Variants in PDE10A observed in about 807,000 individuals in gnomAD.
PDE10A encodes cAMP and cAMP-inhibited cGMP 3',5'-cyclic phosphodiesterase 10A.
PDE10A carries 39 observed loss-of-function variants against 97.7 expected under a neutral mutation model. The observed-to-expected ratio is 0.40, with a 90% CI of 0.31 to 0.52. The LOEUF (loss-of-function observed/expected upper bound fraction) is 0.52. Ranked by LOEUF, PDE10A falls within the 20% of genes least tolerant of loss-of-function variation. PDE10A has a pLI of 0.56. For missense variants in PDE10A, 731 were observed against 1,047.8 expected (o/e 0.70, Z 4.17); for synonymous variants, 371 against 376.8 (o/e 0.98, Z 0.18).
chr6:165,943,361 A>AAAGAAAGAAAGAAAGAAGAAAGAAAGG (rs1167502272), intron 1 of PDE10A, among the ~76,000 whole-genome samples: 1 of 89,862 alleles, frequency 1.1e-5, no homozygotes, highest in Non-Finnish European at 2.4e-5. Context: ...AGAAAGAAAG[A>AAAGAAAGAAAGAAAGAAGAAAGAAAGG]GAAAGAAAGA....
chr6:165,591,132 T>C (rs544538780), intron 1 of PDE10A, among the ~76,000 whole-genome samples: 46 of 152,146 alleles, frequency 3.0e-4, no homozygotes, highest in Non-Finnish European at 5.9e-4. Flanking sequence ...TAGGATGGCA[T>C]GAAAGACAGG....
intron 1 of PDE10A, among the ~76,000 whole-genome samples, chr6:165,981,614 C>T (rs956026648): frequency 2.0e-5 from 3 of 152,172 alleles, no homozygotes; most frequent in Admixed American, 2.0e-4. Context: ...TCAAAGTCCC[C>T]TCCTTCACCT....
Position 165,831,733 on chromosome 6 carries a change from C to A in PDE10A, c.-615+155796G>T, listed in dbSNP as rs543169266. Among the ~76,000 whole-genome samples, 31 of 152,184 alleles carry A rather than the reference C, an allele frequency of 2.0e-4. No individual in the cohort carries two copies. In the South Asian group the frequency reaches 6.4e-3, roughly 32 times the overall value. On this transcript the variant is annotated intron_variant, in intron 1 of 19. Transcript: ENST00000366882. ...ATCTCCTGACCTTGTGATCCACCCA[C>A]CTCGGCCTCCCAAAGTGCTGGGATT... is the stretch of plus-strand genomic sequence containing the variant.
chr6:165,532,116 C>T (rs1480911928), intron 2 of PDE10A, among the ~76,000 whole-genome samples: 1 of 152,074 alleles, frequency 6.6e-6, no homozygotes, highest in Non-Finnish European at 1.5e-5. Flanking sequence ...TTACACTAAC[C>T]TCTGCTTTCC....
intron 1 of PDE10A, among the ~76,000 whole-genome samples, chr6:165,745,025 T>C (rs1350171864): frequency 1.3e-5 from 2 of 152,222 alleles, no homozygotes; most frequent in Admixed American, 1.3e-4. Context: ...TCAGTTTCAT[T>C]TTCAAAATAA....
At chr6:165,695,258 A>T (rs1205555892) in intron 1 of PDE10A, among the ~76,000 whole-genome samples, 2 of 152,178 alleles carry the variant, frequency 1.3e-5, no homozygotes, top group African/African-American at 4.8e-5. Context: ...AAAAAAACAT[A>T]TAGCCTCTGG....
At chr6:165,763,418 G>T (rs1793298494) in intron 1 of PDE10A, among the ~76,000 whole-genome samples, 1 of 152,046 alleles carries the variant, frequency 6.6e-6, no homozygotes, top group Non-Finnish European at 1.5e-5. Context: ...TGCCTCCCGG[G>T]TTCAAGCGAT....
At chr6:165,759,672 T>A (rs1366040540) in intron 1 of PDE10A, among the ~76,000 whole-genome samples, 1 of 152,200 alleles carries the variant, frequency 6.6e-6, no homozygotes. Context: ...CCAATGATAT[T>A]TTTTCATCCA....
chr6:165,511,512 TGTAAAC>T (rs1781507556), intron 2 of PDE10A, among the ~76,000 whole-genome samples: 1 of 152,018 alleles, frequency 6.6e-6, no homozygotes, highest in Non-Finnish European at 1.5e-5. Flanking sequence ...TAAAATGCTC[TGTAAAC>T]CTTAGGTCCA....
intron 1 of PDE10A, among the ~76,000 whole-genome samples, chr6:165,913,141 G>A (rs370811699): frequency 1.3e-5 from 2 of 152,164 alleles, no homozygotes; most frequent in African/African-American, 4.8e-5. Flanking sequence ...ACATAAATAA[G>A]TGTTGTGTTT....
At chr6:165,698,493 A>T (rs1238039162) in intron 1 of PDE10A, among the ~76,000 whole-genome samples, 3 of 152,222 alleles carry the variant, frequency 2.0e-5, no homozygotes, top group African/African-American at 7.2e-5. Context: ...TTGAAATCAG[A>T]CAAATAAAAA....
chr6:165,903,793 C>T (rs1782183551), intron 1 of PDE10A, among the ~76,000 whole-genome samples: 1 of 151,964 alleles, frequency 6.6e-6, no homozygotes, highest in African/African-American at 2.4e-5. Flanking sequence ...AAATAGAGAA[C>T]AGCCAGGAGG....
At chr6:165,890,337 A>G (rs956631962) in intron 1 of PDE10A, among the ~76,000 whole-genome samples, 5 of 152,110 alleles carry the variant, frequency 3.3e-5, no homozygotes. Flanking sequence ...CCCTGTCAAT[A>G]GCATTTACTT....
chr6:165,431,396 C>T (rs762363786), intron 8 of PDE10A, 26 bp downstream of exon 8: 3 of 1,559,456 alleles, frequency 1.9e-6, no homozygotes, highest in Non-Finnish European at 2.6e-6. Context: ...TTAGGAAGCC[C>T]CTGCAAAAAC....
chr6:165,569,925 TA>T (rs1407401027), intron 1 of PDE10A, among the ~76,000 whole-genome samples: 1 of 152,212 alleles, frequency 6.6e-6, no homozygotes, highest in Non-Finnish European at 1.5e-5. Context: ...CTTTCCAATG[TA>T]AACTACACAA....
chr6:165,759,687 A>G (rs1363332221), intron 1 of PDE10A, among the ~76,000 whole-genome samples: 2 of 152,344 alleles, frequency 1.3e-5, no homozygotes, highest in East Asian at 3.9e-4. Context: ...CATCCATAGG[A>G]TAGATTATGA....
chr6:165,664,622 A>T (rs1447052025), upstream of PDE10A, among the ~76,000 whole-genome samples: 2 of 152,116 alleles, frequency 1.3e-5, no homozygotes, highest in African/African-American at 4.8e-5. Context: ...AAAGAAAAAA[A>T]CTGCAATGGT....
At chr6:165,790,101 T>C (rs1778607533) in intron 1 of PDE10A, among the ~76,000 whole-genome samples, 1 of 152,248 alleles carries the variant, frequency 6.6e-6, no homozygotes, top group Non-Finnish European at 1.5e-5. Context: ...TACCACATTG[T>C]TAAAATGTAA....
At chr6:165,726,330 A>G (rs1032733816) in intron 1 of PDE10A, among the ~76,000 whole-genome samples, 18 of 152,338 alleles carry the variant, frequency 1.2e-4, no homozygotes, top group Middle Eastern at 3.4e-3. Flanking sequence ...TAATGATGGG[A>G]AAAAATATAC....
Sources: allele counts gnomAD v4.1 joint callset (sites outside exome capture counted in the v4.1 genomes callset), GRCh38; gene constraint gnomAD v4.1.1; transcripts MANE v1.5; gene names NCBI Gene and HGNC (gene_info 2026-07-23, HGNC 2026-07-21).